The following TDRD1 variants were observed in gnomAD, a reference collection of about 807,000 sequenced individuals.
TDRD1 encodes tudor domain containing 1.
A neutral mutation model predicts 140.6 loss-of-function variants in TDRD1; 37 were observed. The ratio of observed to expected loss-of-function variants is 0.26; its 90% CI spans 0.20 to 0.35. The LOEUF is 0.35. Ranked by LOEUF, TDRD1 falls within the 10% of genes least tolerant of loss-of-function variation. TDRD1 has a pLI of 1.00. For synonymous variants in TDRD1, 506 were observed against 475.7 expected (o/e 1.06, Z -0.83); for missense variants, 1,243 against 1,393.0 (o/e 0.89, Z 1.71).
At chr10:114,204,735 T>C in exon 10 of TDRD1, 1 of 1,589,540 alleles carries the variant, frequency 6.3e-7, no homozygotes, top group Admixed American at 1.8e-5. Context: ...ATAAAGTGCT[T>C]TGTAGCCAAT....
At chr10:114,183,840 T>C (rs1022830722) in intron 1 of TDRD1, among the ~76,000 whole-genome samples, 1 of 152,036 alleles carries the variant, frequency 6.6e-6, no homozygotes, top group Admixed American at 6.6e-5. Context: ...TAGCTGGGAT[T>C]ACAGGAGCCC....
chr10:114,177,081 T>A (rs997722844), upstream of TDRD1, among the ~76,000 whole-genome samples: 8 of 151,790 alleles, frequency 5.3e-5, no homozygotes, highest in African/African-American at 1.9e-4. Flanking sequence ...TAGAAAAGTA[T>A]AAAATAAGAA....
At chr10:114,176,454 G>A (rs990852903), upstream of TDRD1, among the ~76,000 whole-genome samples, 3 of 152,192 alleles carry the variant, frequency 2.0e-5, no homozygotes, top group Non-Finnish European at 4.4e-5. This position sits in a 1 kb window ranked among gnomAD's most constrained non-coding sequence, Gnocchi z 4.2. Context: ...GAATGGCTGG[G>A]TGTGGTGGCT....
chr10:114,202,128 G>C (rs770789236), intron 5 of TDRD1, 110 bp from the exon 6 acceptor site: 1 of 788,320 alleles, frequency 1.3e-6, no homozygotes, highest in South Asian at 2.2e-5. Context: ...GGAAGAAGCT[G>C]TTTTGCTCTT....
At chr10:114,203,681 C>T (rs190497970) in intron 8 of TDRD1, 114 bp downstream of exon 8, 5 of 912,530 alleles carry the variant, frequency 5.5e-6, no homozygotes, top group South Asian at 3.6e-5. Flanking sequence ...CCTCTGATCA[C>T]GCTTCTATTC....
intron 3 of TDRD1, among the ~76,000 whole-genome samples, chr10:114,193,687 T>C (rs2034150256): frequency 6.6e-6 from 1 of 152,242 alleles, no homozygotes; most frequent in African/African-American, 2.4e-5. Context: ...TTTTTCAATG[T>C]ATATGCCTTT....
At chr10:114,197,449 T>A (rs572315519) in intron 3 of TDRD1, among the ~76,000 whole-genome samples, 13 of 152,334 alleles carry the variant, frequency 8.5e-5, no homozygotes, top group African/African-American at 2.4e-4. Flanking sequence ...AGACTCCCTA[T>A]TCATTTGTTT....
At position 114,212,172 on chromosome 10, in the gene TDRD1, A is replaced by G. The variant is rs963522678; in HGVS notation, c.1831+136A>G. 5 of 737,148 alleles carry G rather than the reference A, an allele frequency of 6.8e-6. No homozygotes were observed. In the Admixed American group the frequency reaches 1.9e-4, roughly 29 times the overall value. The allele number at this position is 737,148 out of a possible 1,614,324, so 45.7% of individuals were successfully genotyped here. A position where few individuals can be genotyped will look rare whatever the true frequency, so the allele number is the denominator to read the frequency against. ...ATGCTTAAAAGTTACTATAAATGTCATTTATCCCAAAGAAATCAGAGATTT... is the reference window on the plus strand; with the variant it reads ...ATGCTTAAAAGTTACTATAAATGTCGTTTATCCCAAAGAAATCAGAGATTT... On this transcript the variant is annotated intron_variant, in intron 14 of 25. Coordinates refer to ENST00000251864, the Ensembl canonical transcript of TDRD1.
At chr10:114,199,914 A>G (rs1367343907) in intron 4 of TDRD1, among the ~76,000 whole-genome samples, 2 of 152,118 alleles carry the variant, frequency 1.3e-5, no homozygotes, top group African/African-American at 4.8e-5. Context: ...CTCTCTAAAC[A>G]TTTCTGTACA....
At chr10:114,228,983 T>C (rs562364669) in intron 25 of TDRD1, among the ~76,000 whole-genome samples, 65 of 152,196 alleles carry the variant, frequency 4.3e-4, no homozygotes, top group Middle Eastern at 3.4e-3. Flanking sequence ...CTTGGGAGGC[T>C]GAGACAGGAG....
At chr10:114,199,087 A>G (rs2034558945) in intron 3 of TDRD1, 86 bp from the exon 4 acceptor site, 2 of 1,416,098 alleles carry the variant, frequency 1.4e-6, no homozygotes, top group South Asian at 1.4e-5. Context: ...CATCTACTTG[A>G]TCTTATCTGA....
chr10:114,221,399 T>C (rs2036136606), exon 20 of TDRD1: 1 of 1,612,866 alleles, frequency 6.2e-7, no homozygotes, highest in African/African-American at 1.3e-5. Flanking sequence ...GAATTGCCAG[T>C]GGATAAAACT....
chr10:114,193,906 A>AT (rs1213496484), intron 3 of TDRD1, among the ~76,000 whole-genome samples: 1 of 152,184 alleles, frequency 6.6e-6, no homozygotes, highest in Non-Finnish European at 1.5e-5. Context: ...CCTTTTTATC[A>AT]TAAGTAGGTG....
intron 1 of TDRD1, among the ~76,000 whole-genome samples, chr10:114,187,546 C>T (rs960351575): frequency 6.6e-6 from 1 of 152,152 alleles, no homozygotes; most frequent in African/African-American, 2.4e-5. Flanking sequence ...TTAGTGTTGC[C>T]TCAAAAGCTT....
chr10:114,179,895 T>A (rs2032897022), intron 1 of TDRD1: 1 of 152,166 alleles, frequency 6.6e-6, no homozygotes, highest in African/African-American at 2.4e-5. Flanking sequence ...ATAAATACGT[T>A]AGCCCTGCTG....
intron 11 of TDRD1, among the ~76,000 whole-genome samples, chr10:114,207,398 T>C (rs1304216657): frequency 6.6e-6 from 1 of 152,206 alleles, no homozygotes; most frequent in African/African-American, 2.4e-5. Flanking sequence ...TTTTCTTTCT[T>C]TCCCTACTAC....
chr10:114,206,164 A>G (rs2035085286), intron 10 of TDRD1, 80 bp from the exon 11 acceptor site: 1 of 1,077,668 alleles, frequency 9.3e-7, no homozygotes, highest in Admixed American at 1.9e-5. Context: ...TGTATGATTG[A>G]CTTGTTTCTT....
chr10:114,212,359 A>AAC (rs2035540237), intron 14 of TDRD1, among the ~76,000 whole-genome samples: 1 of 152,166 alleles, frequency 6.6e-6, no homozygotes, highest in Non-Finnish European at 1.5e-5. Flanking sequence ...CTACATTCCC[A>AAC]CAGGTGGAAC....
chr10:114,193,137 C>T (rs1282447692), intron 3 of TDRD1, among the ~76,000 whole-genome samples: 1 of 151,960 alleles, frequency 6.6e-6, no homozygotes, highest in African/African-American at 2.4e-5. Context: ...CTTACATATC[C>T]TATGCATGTT....
Sources: gnomAD v4.1 joint callset for allele counts (sites outside exome capture counted in the v4.1 genomes callset) on GRCh38, gnomAD v4.1.1 for gene constraint, Gnocchi (gnomAD v3.1) non-coding constraint, MANE v1.5 for transcripts, NCBI Gene and HGNC (gene_info 2026-07-23, HGNC 2026-07-21) for gene names.